Variants in TTC39C observed in about 807,000 individuals in gnomAD.
The protein encoded by TTC39C is tetratricopeptide repeat domain 39C, also known as tetratricopeptide repeat protein 39C.
TTC39C carries 33 observed loss-of-function variants against 76.3 expected under a neutral mutation model. That is an observed-to-expected ratio of 0.43 (90% CI 0.33 to 0.58). The LOEUF is 0.58. TTC39C is among the 20% of genes least tolerant of loss of function. The pLI, the probability that TTC39C is intolerant of heterozygous loss-of-function variation, is 0.04. For synonymous variants in TTC39C, 254 were observed against 260.6 expected, an observed-to-expected ratio of 0.97 and a Z score of 0.24; for missense variants, 595 against 701.4, an observed-to-expected ratio of 0.85 and a Z score of 1.71.
chr18:24,091,575 T>C (rs2084516891), intron 6 of TTC39C, among the ~76,000 whole-genome samples: 1 of 152,188 alleles, frequency 6.6e-6, no homozygotes, highest in Non-Finnish European at 1.5e-5. Context: ...AGGCCTTGGT[T>C]TCCTAGACAT....
intron 4 of TTC39C, among the ~76,000 whole-genome samples, chr18:24,078,565 G>A (rs1473324667): frequency 6.6e-6 from 1 of 152,174 alleles, no homozygotes; most frequent in Non-Finnish European, 1.5e-5. Context: ...ATGGGGTGGC[G>A]GAGTCCAGGG....
intron 6 of TTC39C, 41 bp downstream of exon 6, chr18:24,083,122 T>TGATCA: frequency 6.5e-7 from 1 of 1,547,436 alleles, no homozygotes; most frequent in East Asian, 2.3e-5. Context: ...AAGCCTCCGA[T>TGATCA]GATCAAATCT....
chr18:24,011,230 C>T (rs2083391592), upstream of TTC39C, among the ~76,000 whole-genome samples: 1 of 152,108 alleles, frequency 6.6e-6, no homozygotes, highest in South Asian at 2.1e-4. Flanking sequence ...TGGAGCAGAC[C>T]CTGACTGGCA....
chr18:24,014,664 G>A (rs964241251), upstream of TTC39C: 33 of 678,728 alleles, frequency 4.9e-5, no homozygotes, highest in African/African-American at 6.0e-4. Context: ...GCGGCCGGAC[G>A]CCCACCTCCC....
intron 6 of TTC39C, among the ~76,000 whole-genome samples, chr18:24,101,557 C>CAA (rs11298002): frequency 2.5e-4 from 36 of 146,176 alleles, no homozygotes; most frequent in African/African-American, 8.5e-4. Context: ...GACTCCGTCT[C>CAA]AAAAAAAAAA....
chr18:24,132,373 G>T (rs1003271894), intron 13 of TTC39C, 112 bp from the exon 14 acceptor site: 1 of 745,846 alleles, frequency 1.3e-6, no homozygotes, highest in Non-Finnish European at 2.1e-6. Flanking sequence ...ACCTTTACTG[G>T]GAGTGTAGAG....
intron 1 of TTC39C, among the ~76,000 whole-genome samples, chr18:24,044,038 G>A (rs1274557462): frequency 5.1e-5 from 7 of 136,926 alleles, no homozygotes; most frequent in African/African-American, 1.9e-4. Context: ...GGCTGAAAGA[G>A]CATTTGTGTA....
At chr18:24,085,479 T>A (rs1414356934) in intron 6 of TTC39C, among the ~76,000 whole-genome samples, 1 of 152,216 alleles carries the variant, frequency 6.6e-6, no homozygotes, top group Non-Finnish European at 1.5e-5. Context: ...TTTGACATGG[T>A]TTTAGTTTGT....
chr18:24,101,404 C>A (rs559126365), intron 6 of TTC39C, among the ~76,000 whole-genome samples: 3 of 151,750 alleles, frequency 2.0e-5, no homozygotes, highest in African/African-American at 7.2e-5. Flanking sequence ...GTCAAGAGAT[C>A]GAGACCATCC....
chr18:24,116,050 C>T (rs1164047553), intron 7 of TTC39C, among the ~76,000 whole-genome samples: 2 of 152,182 alleles, frequency 1.3e-5, no homozygotes, highest in African/African-American at 2.4e-5. Context: ...CTCGGGCTTC[C>T]GATTCAGGCT....
chr18:24,088,811 C>T (rs115499932), intron 6 of TTC39C, among the ~76,000 whole-genome samples: 1,839 of 152,236 alleles, frequency 0.012, 47 homozygotes, highest in African/African-American at 0.042. Context: ...AGGTTCTTCC[C>T]CCTCATTTTC....
chr18:24,050,563 CAAAAAAA>C (rs67885761), intron 1 of TTC39C, among the ~76,000 whole-genome samples: 1 of 77,104 alleles, frequency 1.3e-5, no homozygotes, highest in Non-Finnish European at 2.4e-5. Context: ...GACCCTGTCT[CAAAAAAA>C]AAAAAAAAAA....
At chr18:24,008,151 A>T (rs1464483538) in intron 1 of TTC39C, among the ~76,000 whole-genome samples, 2 of 152,136 alleles carry the variant, frequency 1.3e-5, no homozygotes, top group Non-Finnish European at 2.9e-5. Flanking sequence ...TCTGAGTCCA[A>T]CTCATCCCCT....
chr18:23,994,111 CAG>C (rs1477168773), intron 1 of TTC39C: 23 of 152,206 alleles, frequency 1.5e-4, no homozygotes, highest in Admixed American at 1.4e-3. Flanking sequence ...AGGCTAAAAA[CAG>C]AGGGAAACAA....
intron 6 of TTC39C, among the ~76,000 whole-genome samples, chr18:24,097,638 G>T (rs2084607229): frequency 6.6e-6 from 1 of 152,196 alleles, no homozygotes; most frequent in African/African-American, 2.4e-5. Context: ...GCAAATCTGT[G>T]TAGATGGTCT....
chr18:24,009,615 A>AC (rs2083380313), intron 1 of TTC39C, among the ~76,000 whole-genome samples: 1 of 152,184 alleles, frequency 6.6e-6, no homozygotes, highest in African/African-American at 2.4e-5. Flanking sequence ...CTATCTGAAG[A>AC]CCAACAGAAG....
intron 3 of TTC39C, 76 bp from the exon 4 acceptor site, chr18:24,069,081 A>G (rs552671293): frequency 8.2e-7 from 1 of 1,219,626 alleles, no homozygotes; most frequent in South Asian, 1.3e-5. Flanking sequence ...ATCTTGTACA[A>G]TAACCTGATA....
At chr18:24,017,299 C>A (rs1045409104) in intron 1 of TTC39C, among the ~76,000 whole-genome samples, 1 of 152,170 alleles carries the variant, frequency 6.6e-6, no homozygotes, top group Non-Finnish European at 1.5e-5. Flanking sequence ...GGACCAGAGT[C>A]CTGCAACCTG....
intron 1 of TTC39C, among the ~76,000 whole-genome samples, chr18:24,030,866 G>A (rs1407559583): frequency 3.9e-5 from 6 of 151,938 alleles, no homozygotes; most frequent in African/African-American, 1.2e-4. Context: ...GCCTGGTCTC[G>A]AACTCCTGAC....
Sources: gnomAD v4.1 joint callset for allele counts (sites outside exome capture counted in the v4.1 genomes callset) on GRCh38, gnomAD v4.1.1 for gene constraint, MANE v1.5 for transcripts, NCBI Gene and HGNC (gene_info 2026-07-23, HGNC 2026-07-21) for gene names.